The following RNF217 variants were observed in gnomAD, a reference collection of about 807,000 sequenced individuals.
RNF217 encodes the protein E3 ubiquitin-protein ligase RNF217.
Under a neutral mutation model 57.8 loss-of-function variants are expected in RNF217, and 31 were observed. That is an observed-to-expected ratio of 0.54 (90% CI 0.40 to 0.72). The LOEUF (loss-of-function observed/expected upper bound fraction) is 0.72, where lower values mean the gene tolerates loss of function less well. RNF217 is among the 30% of genes least tolerant of loss of function. The probability of loss-of-function intolerance (pLI) is 0.00; values close to 1 mark genes in which losing one functional copy is unlikely to be tolerated. For missense variants in RNF217, 696 were observed against 708.3 expected (o/e 0.98, Z 0.20); for synonymous variants, 313 against 294.0 (o/e 1.06, Z -0.66).
At chr6:124,964,540 T>A (rs191452453) in intron 1 of RNF217, among the ~76,000 whole-genome samples, 102 of 152,316 alleles carry the variant, frequency 6.7e-4, no homozygotes, top group African/African-American at 2.3e-3. Flanking sequence ...CCGTACCATG[T>A]GATTCCTCTA....
At chr6:125,082,634 T>C (rs1255748562) in intron 5 of RNF217, 2 of 1,567,588 alleles carry the variant, frequency 1.3e-6, no homozygotes, top group Middle Eastern at 1.7e-4. Context: ...TTTTGATATT[T>C]GGATAGAAAT....
In RNF217 at chr6:125,088,626, G is replaced by C. The variant is rs1174022851; in HGVS notation, c.*5689G>C. 1 of 152,050 alleles carries C rather than the reference G, an allele frequency of 6.6e-6. No individual in the cohort carries two copies. Among genetic ancestry groups the C allele is most frequent in the African/African-American group, 2.4e-5 (1 of 41,406 alleles). 9.4% of individuals were successfully genotyped at this position (152,050 alleles called of 1,614,324 possible). A position where few individuals can be genotyped will look rare whatever the true frequency, so the allele number is the denominator to read the frequency against. ...CAAACTATATATATCTTTTTGGCTAGAGAAGTGACTATTTTAGAATAACAG... is the reference window on the plus strand; with the variant it reads ...CAAACTATATATATCTTTTTGGCTACAGAAGTGACTATTTTAGAATAACAG... On this transcript the variant is annotated 3_prime_UTR_variant, in exon 6 of 6. Coordinates refer to ENST00000521654, the MANE Select transcript of RNF217 (RefSeq NM_001286398.3).
intron 5 of RNF217, among the ~76,000 whole-genome samples, chr6:125,082,250 T>C (rs1003904855): frequency 2.0e-5 from 3 of 152,132 alleles, no homozygotes; most frequent in African/African-American, 7.2e-5. Flanking sequence ...CTAAATGCTA[T>C]AGATAAAGGC....
chr6:125,036,924 C>A (rs1473701847), intron 1 of RNF217, among the ~76,000 whole-genome samples: 2 of 148,578 alleles, frequency 1.3e-5, no homozygotes. Context: ...TATTATAAAG[C>A]AGGAAATAAC....
rs1423444581 is a variant in RNF217 at position 125,022,593 on chromosome 6, A to G, written c.883-22618A>G. Among the ~76,000 whole-genome samples, 4 of 152,196 alleles carry G rather than the reference A, an allele frequency of 2.6e-5. No individual in the cohort carries two copies. In the East Asian group the frequency reaches 5.8e-4, roughly 22 times the overall value. On this transcript the variant is annotated intron_variant, in intron 1 of 5. Coordinates refer to ENST00000521654, the MANE Select transcript of RNF217 (RefSeq NM_001286398.3). ...TTAAGGGAGGCTGGGCTTCTGGCCT[A>G]CATGTGGCCTCTGCCCTGGTAGTTA...
intron 2 of RNF217, among the ~76,000 whole-genome samples, chr6:125,048,523 T>C (rs1406280030): frequency 2.6e-5 from 4 of 152,082 alleles, no homozygotes; most frequent in Non-Finnish European, 5.9e-5. Context: ...CCTTGTAATG[T>C]TTATTTTAAT....
intron 1 of RNF217, among the ~76,000 whole-genome samples, chr6:124,979,466 T>A (rs2115009962): frequency 6.6e-6 from 1 of 152,162 alleles, no homozygotes; most frequent in Middle Eastern, 3.4e-3. Flanking sequence ...GAGAGCGGAA[T>A]GGTGACAGCA....
At chr6:125,040,881 C>T (rs561341533) in intron 1 of RNF217, among the ~76,000 whole-genome samples, 4 of 152,144 alleles carry the variant, frequency 2.6e-5, no homozygotes, top group East Asian at 3.9e-4. Context: ...AAAAGGCCTT[C>T]GATAAAATTC....
intron 1 of RNF217, among the ~76,000 whole-genome samples, chr6:125,004,736 C>T (rs879773208): frequency 6.6e-5 from 10 of 152,140 alleles, no homozygotes; most frequent in Non-Finnish European, 1.5e-4. Flanking sequence ...AGGACAAGAA[C>T]CACAGCTCGT....
In RNF217 at chr6:125,086,064, A is replaced by T. The variant is rs1475566899; in HGVS notation, c.*3127A>T. 2 of 151,884 alleles carry T rather than the reference A, an allele frequency of 1.3e-5. No homozygotes were observed. The highest frequency in any genetic ancestry group is 6.6e-5 in the Admixed American group (1 of 15,222). The allele number at this position is 151,884 out of a possible 1,614,324, so 9.4% of individuals were successfully genotyped here. Reference sequence around the variant, plus strand: ...CAAGAGTGAAGACCCTTTTGCATATATTTTTGTCACCTTGCATGAACATAT... The same window carrying T: ...CAAGAGTGAAGACCCTTTTGCATATTTTTTTGTCACCTTGCATGAACATAT... On this transcript the variant is annotated 3_prime_UTR_variant, in exon 6 of 6. Coordinates refer to ENST00000521654, the MANE Select transcript of RNF217 (RefSeq NM_001286398.3).
chr6:125,034,853 T>A (rs1275182018), intron 1 of RNF217, among the ~76,000 whole-genome samples: 1 of 152,116 alleles, frequency 6.6e-6, no homozygotes, highest in South Asian at 2.1e-4. Flanking sequence ...TCCATTTGTT[T>A]GTATCCTCTT....
At chr6:125,009,440 G>T in intron 1 of RNF217, 1 of 506,722 alleles carries the variant, frequency 2.0e-6, no homozygotes, top group Non-Finnish European at 3.5e-6. Context: ...TTCAGATGGT[G>T]CCATCTCTTT....
At chr6:124,988,768 C>A (rs1304367392) in intron 1 of RNF217, among the ~76,000 whole-genome samples, 1 of 152,108 alleles carries the variant, frequency 6.6e-6, no homozygotes, top group African/African-American at 2.4e-5. Flanking sequence ...TAATCTTTGC[C>A]TATAGTTATT....
intron 1 of RNF217, among the ~76,000 whole-genome samples, chr6:124,979,023 A>G (rs1275796131): frequency 6.6e-6 from 1 of 152,154 alleles, no homozygotes; most frequent in Non-Finnish European, 1.5e-5. Context: ...GCTAACAGGT[A>G]TCATCCAGAA....
chr6:124,979,301 C>T (rs899649581), intron 1 of RNF217, among the ~76,000 whole-genome samples: 2 of 152,160 alleles, frequency 1.3e-5, no homozygotes, highest in African/African-American at 4.8e-5. Flanking sequence ...TGGCTATTGT[C>T]TGAAAAATGG....
intron 1 of RNF217, among the ~76,000 whole-genome samples, chr6:125,033,952 TGAG>T (rs1786483037): frequency 6.6e-6 from 1 of 152,060 alleles, no homozygotes. Context: ...CCAGTGATGA[TGAG>T]CATTTTTTCA....
Position 124,963,226 on chromosome 6 carries a change from T to C in RNF217, c.682T>C (p.Tyr228His). 6.5e-7 allele frequency: 1 copy of C among 1,536,086 alleles called. No homozygotes were observed. Among genetic ancestry groups the C allele is most frequent in the Non-Finnish European group, 8.7e-7 (1 of 1,146,890 alleles). The change falls in exon 1 of 6, where the codon TAC becomes CAC. Residue 228 changes from tyrosine (Y) to histidine (H), a missense_variant. Tyr to His is a moderately conservative substitution (Grantham distance 83, BLOSUM62 2). Around this residue, in one of 2 missense-constraint regions of RNF217, gnomAD observed 465 missense variants for 386.8 expected, o/e 1.20. Coordinates refer to ENST00000521654, the MANE Select transcript of RNF217 (RefSeq NM_001286398.3). The part of the protein sequence containing the change: ...PDGGSIELEF[Y>H]LAPEPFSMPS... ...CGGCGGCAGCATCGAGCTGGAGTTC[T>C]ACCTGGCGCCCGAGCCGTTCTCCAT...
At chr6:124,997,631 G>T (rs560916651) in intron 1 of RNF217, among the ~76,000 whole-genome samples, 1 of 152,206 alleles carries the variant, frequency 6.6e-6, no homozygotes, top group East Asian at 1.9e-4. Context: ...AACATCTGAC[G>T]CATTGAGCAC....
intron 1 of RNF217, among the ~76,000 whole-genome samples, chr6:124,974,014 G>A (rs1210787947): frequency 6.6e-6 from 1 of 152,160 alleles, no homozygotes; most frequent in Non-Finnish European, 1.5e-5. Context: ...CCCCCACATG[G>A]CCTTGACAAC....
Sources: gnomAD v4.1 joint callset for allele counts (sites outside exome capture counted in the v4.1 genomes callset) on GRCh38, gnomAD v4.1.1 for gene constraint, gnomAD v4.1.1 regional missense constraint, MANE v1.5 for transcripts, NCBI Gene and HGNC (gene_info 2026-07-23, HGNC 2026-07-21) for gene names.